The following KIAA1958 variants were observed in gnomAD, a reference collection of about 807,000 sequenced individuals.
KIAA1958 encodes the protein uncharacterized protein KIAA1958.
A neutral mutation model predicts 47.2 loss-of-function variants in KIAA1958; 14 were observed. The observed-to-expected ratio is 0.30, with a 90% CI of 0.20 to 0.46. KIAA1958 has a LOEUF of 0.46. KIAA1958 is among the 20% of genes least tolerant of loss of function. The pLI, the probability that KIAA1958 is intolerant of heterozygous loss-of-function variation, is 1.00. For synonymous variants in KIAA1958, 354 were observed against 353.3 expected, an observed-to-expected ratio of 1.00 and a Z score of -0.02; for missense variants, 803 against 909.2, an observed-to-expected ratio of 0.88 and a Z score of 1.50.
chr9:112,552,772 G>C (rs1186588000), intron 1 of KIAA1958, among the ~76,000 whole-genome samples: 2 of 152,162 alleles, frequency 1.3e-5, no homozygotes, highest in Non-Finnish European at 1.5e-5. Context: ...AGAGGGAGGA[G>C]ATATCCATTC....
intron 1 of KIAA1958, among the ~76,000 whole-genome samples, chr9:112,527,218 CAAAG>C (rs1212166293): frequency 6.6e-6 from 1 of 151,986 alleles, no homozygotes; most frequent in African/African-American, 2.4e-5. Context: ...TACCTTAGTA[CAAAG>C]AAAGAAATAT....
chr9:112,504,056 T>C lies in KIAA1958; in HGVS notation c.-25+16938T>C, dbSNP rs943128697. On this transcript the variant is annotated intron_variant, in intron 1 of 3. Transcript: ENST00000337530. ...CCTTAGAAATCAAGTACTTTAGATC[T>C]TTCTCAAGTTGATTGTAACCTGGCT... Among the ~76,000 whole-genome samples, 12 of 152,292 alleles carry C rather than the reference T, an allele frequency of 7.9e-5. No individual in the cohort carries two copies. In the South Asian group the frequency reaches 2.5e-3, roughly 32 times the overall value.
At chr9:112,499,603 T>C (rs1756047324) in intron 1 of KIAA1958, among the ~76,000 whole-genome samples, 2 of 152,156 alleles carry the variant, frequency 1.3e-5, no homozygotes, top group African/African-American at 4.8e-5. Flanking sequence ...TTGATATGTA[T>C]ATAGTTTTAC....
chr9:112,656,148 G>A (rs1034287788), intron 3 of KIAA1958, among the ~76,000 whole-genome samples: 4 of 152,102 alleles, frequency 2.6e-5, no homozygotes, highest in African/African-American at 7.2e-5. Context: ...CTAGGCGGGC[G>A]GATCGCTTGA....
intron 1 of KIAA1958, among the ~76,000 whole-genome samples, chr9:112,493,392 T>G (rs1834003382): frequency 1.3e-5 from 2 of 152,352 alleles, no homozygotes; most frequent in Middle Eastern, 3.4e-3. Flanking sequence ...TCTGTGTCTT[T>G]TCTTTTATTC....
At chr9:112,540,057 A>T (rs760067738) in intron 1 of KIAA1958, among the ~76,000 whole-genome samples, 7 of 152,194 alleles carry the variant, frequency 4.6e-5, no homozygotes, top group Non-Finnish European at 8.8e-5. Context: ...ACAAATTACG[A>T]TTATGTTAAT....
At chr9:112,548,914 G>T (rs1371226453) in intron 1 of KIAA1958, among the ~76,000 whole-genome samples, 5 of 152,200 alleles carry the variant, frequency 3.3e-5, no homozygotes, top group African/African-American at 1.2e-4. Context: ...GGCACAGAGG[G>T]AAGACCATGT....
chr9:112,641,653 C>T (rs1313949369), intron 2 of KIAA1958, among the ~76,000 whole-genome samples: 1 of 152,044 alleles, frequency 6.6e-6, no homozygotes, highest in Admixed American at 6.6e-5. Flanking sequence ...GATAGATATT[C>T]AGTCTCCTGG....
At chr9:112,617,590 C>T (rs1172600701) in intron 2 of KIAA1958, among the ~76,000 whole-genome samples, 1 of 152,196 alleles carries the variant, frequency 6.6e-6, no homozygotes. Context: ...TCTCTAATCT[C>T]TCTCTTTCGA....
At chr9:112,649,459 T>G (rs1474275014) in intron 3 of KIAA1958, among the ~76,000 whole-genome samples, 1 of 152,058 alleles carries the variant, frequency 6.6e-6, no homozygotes, top group East Asian at 1.9e-4. Context: ...ATACCCCACC[T>G]GAGAATTTTA....
intron 1 of KIAA1958, among the ~76,000 whole-genome samples, chr9:112,517,895 A>C (rs1834465601): frequency 6.6e-6 from 1 of 152,270 alleles, no homozygotes; most frequent in Non-Finnish European, 1.5e-5. Flanking sequence ...AATGGCTAGA[A>C]TTAAAAAGTC....
chr9:112,487,812 A>T (rs1833889596), intron 1 of KIAA1958, among the ~76,000 whole-genome samples: 1 of 151,860 alleles, frequency 6.6e-6, no homozygotes, highest in Non-Finnish European at 1.5e-5. Context: ...GTTGGACTGA[A>T]CAACGTCAAA....
chr9:112,569,647 TTTTGC>T (rs1156900562), intron 1 of KIAA1958, among the ~76,000 whole-genome samples: 2 of 151,580 alleles, frequency 1.3e-5, no homozygotes, highest in African/African-American at 4.8e-5. Context: ...TTGAGACAAG[TTTTGC>T]TCTTGTCACC....
At chr9:112,503,825 C>G (rs917321946) in intron 1 of KIAA1958, among the ~76,000 whole-genome samples, 1 of 151,924 alleles carries the variant, frequency 6.6e-6, no homozygotes, top group Non-Finnish European at 1.5e-5. Flanking sequence ...CATTTTCCCT[C>G]CTTCCCTGAT....
At chr9:112,601,451 T>C (rs2131200077) in intron 2 of KIAA1958, among the ~76,000 whole-genome samples, 1 of 152,252 alleles carries the variant, frequency 6.6e-6, no homozygotes, top group Non-Finnish European at 1.5e-5. Flanking sequence ...TCTTCGGCAC[T>C]GTGTCTCAAA....
chr9:112,598,024 T>C (rs1257769530), intron 2 of KIAA1958, among the ~76,000 whole-genome samples: 4 of 152,186 alleles, frequency 2.6e-5, no homozygotes, highest in Admixed American at 6.5e-5. Flanking sequence ...AATCAAGTAG[T>C]CATAGAAATA....
intron 2 of KIAA1958, among the ~76,000 whole-genome samples, chr9:112,626,421 G>C (rs1396853917): frequency 2.0e-5 from 3 of 151,928 alleles, no homozygotes; most frequent in Admixed American, 6.6e-5. Context: ...TCTAATGTTT[G>C]TCTTGATATT....
intron 1 of KIAA1958, among the ~76,000 whole-genome samples, chr9:112,492,046 A>C (rs539682376): frequency 6.6e-6 from 1 of 152,210 alleles, no homozygotes; most frequent in Non-Finnish European, 1.5e-5. Flanking sequence ...ATAGGACTTC[A>C]TATTTCTGGG....
In KIAA1958 at chr9:112,490,725, G is replaced by A. The variant is rs76554662; in HGVS notation, c.-25+3607G>A. On this transcript the variant is annotated intron_variant, in intron 1 of 3. Coordinates refer to ENST00000337530, the MANE Select transcript of KIAA1958 (RefSeq NM_133465.4). ...CTGGAGAAAGGCAAATTATGCAGCC[G>A]TATTCAAGTTTGTTTTGCAAAGTCT... is the stretch of plus-strand genomic sequence containing the variant. Among the ~76,000 whole-genome samples, 1,367 of 152,298 alleles carry A rather than the reference G, an allele frequency of 9.0e-3. 25 individuals carry two copies. The highest frequency in any genetic ancestry group is 0.031 in the African/African-American group (1,296 of 41,570).
Sources: gnomAD v4.1 joint callset for allele counts (sites outside exome capture counted in the v4.1 genomes callset) on GRCh38, gnomAD v4.1.1 for gene constraint, MANE v1.5 for transcripts, NCBI Gene and HGNC (gene_info 2026-07-23, HGNC 2026-07-21) for gene names.